Variants in ATXN2 observed in about 807,000 individuals in gnomAD.
ATXN2 encodes the protein ataxin 2.
ATXN2 carries 37 observed loss-of-function variants against 138.6 expected under a neutral mutation model. That is an observed-to-expected ratio of 0.27 (90% CI 0.21 to 0.35). ATXN2 has a LOEUF of 0.35. Ranked by LOEUF, ATXN2 falls within the 10% of genes least tolerant of loss-of-function variation. The pLI is 1.00. For missense variants in ATXN2, 1,216 were observed against 1,480.3 expected (o/e 0.82, Z 2.93); for synonymous variants, 549 against 543.7 (o/e 1.01, Z -0.13).
chr12:111,488,365 A>C, intron 15 of ATXN2, 111 bp downstream of exon 15: 6 of 1,138,968 alleles, frequency 5.3e-6, no homozygotes, highest in Non-Finnish European at 7.4e-6. Context: ...GCAATGTATA[A>C]AGTAGTCTAA....
At position 111,518,365 on chromosome 12, in the gene ATXN2, C is replaced by T. The variant is rs1879970537; in HGVS notation, c.1049G>A (p.Arg350Lys). Residue 350 changes from arginine to lysine, a missense_variant, in exon 9 of 25, where the codon AGA becomes AAA. Around this residue, in one of 4 missense-constraint regions of ATXN2, gnomAD observed 401 missense variants for 528.1 expected, o/e 0.76. Transcript: ENST00000673436. ...NREVISWGSG[R>K]QNSPRMGQPG... ...CTGGCCCATACGCGGTGAATTCTGT[C>T]TCCCACTTCCCCAGGATATGACTTC... The T allele has an allele frequency of 6.2e-7, 1 of 1,613,356 alleles. No homozygotes were observed. Among genetic ancestry groups the T allele is most frequent in the Non-Finnish European group, 8.5e-7 (1 of 1,179,558 alleles).
Position 111,598,404 on chromosome 12 carries a change from G to A in ATXN2, c.251+380C>T. On this transcript the variant is annotated intron_variant, in intron 1 of 24. Coordinates refer to ENST00000673436, the MANE Select transcript of ATXN2 (RefSeq NM_001372574.1). This position sits in a 1 kb window ranked among gnomAD's most constrained non-coding sequence, Gnocchi z 4.5. ...TCCAACGTTCACACCTAAACCGGGA[G>A]TGGAGGAGCTGCCCGAGCATCCCCA... is the stretch of plus-strand genomic sequence containing the variant. 1 of 985,760 alleles carries A rather than the reference G, an allele frequency of 1.0e-6. No homozygotes were observed. The highest frequency in any genetic ancestry group is 1.2e-6 in the Non-Finnish European group (1 of 830,210). The allele number at this position is 985,760 out of a possible 1,614,324, so 61.1% of individuals were successfully genotyped here.
chr12:111,526,893 C>A (rs1298372201), intron 5 of ATXN2, among the ~76,000 whole-genome samples: 2 of 152,296 alleles, frequency 1.3e-5, no homozygotes, highest in East Asian at 3.9e-4. Flanking sequence ...CCAGAACCCA[C>A]TTCTTCATAT....
Position 111,453,698 on chromosome 12 carries a change from G to C in ATXN2, c.3418C>G (p.Pro1140Ala). 1 of 1,611,244 alleles carries C rather than the reference G, an allele frequency of 6.2e-7. No homozygotes were observed. Among genetic ancestry groups the C allele is most frequent in the Non-Finnish European group, 8.5e-7 (1 of 1,178,538 alleles). The change falls in exon 24 of 25, where the codon CCC becomes GCC. Residue 1140 changes from proline (P) to alanine (A), a missense_variant. Coordinates refer to ENST00000673436, the MANE Select transcript of ATXN2 (RefSeq NM_001372574.1). The surrounding 1 kb of genome is among the most constrained non-coding windows in gnomAD (Gnocchi z 5.4). ...TCACCTGAAGGGTGCGTCATATAGG[G>C]GAAATGCGCTGTTGTCGAGACTGGA... ...PIPVSTTAHF[P>A]YMTHPSVQAH...
chr12:111,548,129 G>T (rs974450593), intron 5 of ATXN2, among the ~76,000 whole-genome samples: 1 of 151,910 alleles, frequency 6.6e-6, no homozygotes, highest in African/African-American at 2.4e-5. Context: ...GGAGGTGGAG[G>T]TTGCAGTGCG....
intron 1 of ATXN2, among the ~76,000 whole-genome samples, chr12:111,575,348 T>C (rs1883578329): frequency 6.6e-6 from 1 of 152,000 alleles, no homozygotes; most frequent in Admixed American, 6.6e-5. Context: ...CCATCCCCCA[T>C]TAATTAAAAA....
intron 14 of ATXN2, among the ~76,000 whole-genome samples, chr12:111,508,762 G>A (rs1345560882): frequency 1.3e-5 from 2 of 151,970 alleles, no homozygotes; most frequent in East Asian, 3.9e-4. Context: ...TGAAAACTTA[G>A]GTTAACAACT....
chr12:111,566,057 TA>T (rs535314485), intron 1 of ATXN2, among the ~76,000 whole-genome samples: 76 of 151,524 alleles, frequency 5.0e-4, no homozygotes, highest in Non-Finnish European at 9.4e-4. Context: ...TACAAGGACA[TA>T]AATGTTTTCA....
rs138368142 is a variant in ATXN2 at position 111,522,909 on chromosome 12, G to A, written c.697-1936C>T. ...AGCCTGGACAACAGAGCAAGACTCC[G>A]TCTCAAAAAGAGTTTCTTGGGTGTA... On this transcript the variant is annotated intron_variant, in intron 6 of 24. Coordinates refer to ENST00000673436, the MANE Select transcript of ATXN2 (RefSeq NM_001372574.1). 5.3e-5 allele frequency among the ~76,000 whole-genome samples: 8 copies of A among 151,602 alleles called. No homozygotes were observed. The East Asian group carries it at 1.2e-3, about 22-fold the overall frequency.
Position 111,485,848 on chromosome 12 carries a change from GGTA to G in ATXN2, c.2319_2321del (p.Thr774del). On this transcript the variant is annotated inframe_deletion, in exon 17 of 25. Transcript: ENST00000673436. ...GTGCTTGAGGCCGAGGTGAAGTTGG[GGTA>G]GTAGAAGGCTTTGGCTACAAAAACA... The G allele has an allele frequency of 6.2e-7, 1 of 1,613,898 alleles. No homozygotes were observed. Among genetic ancestry groups the G allele is most frequent in the Non-Finnish European group, 8.5e-7 (1 of 1,179,902 alleles).
chr12:111,597,857 G>A, intron 1 of ATXN2: 1 of 1,287,674 alleles, frequency 7.8e-7, no homozygotes, highest in Non-Finnish European at 1.0e-6. Flanking sequence ...CCCGCCCCCT[G>A]CCACCAGCAC....
intron 14 of ATXN2, among the ~76,000 whole-genome samples, chr12:111,509,317 CA>C (rs1274587585): frequency 6.6e-6 from 1 of 152,056 alleles, no homozygotes; most frequent in Non-Finnish European, 1.5e-5. Flanking sequence ...ATGGTGGTTT[CA>C]AATGTCAGGG....
chr12:111,532,297 T>A (rs1880881292), intron 5 of ATXN2, among the ~76,000 whole-genome samples: 4 of 151,962 alleles, frequency 2.6e-5, no homozygotes, highest in Admixed American at 6.5e-5. Context: ...CTGGCCAATA[T>A]GGTGAAACCC....
intron 14 of ATXN2, among the ~76,000 whole-genome samples, chr12:111,491,754 G>A (rs556495676): frequency 3.2e-4 from 48 of 152,180 alleles, no homozygotes; most frequent in Non-Finnish European, 6.5e-4. Context: ...GTGCCATGTC[G>A]TATTGTGCCA....
intron 5 of ATXN2, among the ~76,000 whole-genome samples, chr12:111,532,853 GAAAAA>G (rs33992543): frequency 2.0e-4 from 24 of 121,746 alleles, no homozygotes; most frequent in Non-Finnish European, 3.4e-4. Context: ...TAGGTTTAAG[GAAAAA>G]AAAAAAAAAA....
intron 6 of ATXN2, among the ~76,000 whole-genome samples, chr12:111,523,180 T>C (rs1488406300): frequency 6.6e-6 from 1 of 151,166 alleles, no homozygotes; most frequent in Admixed American, 6.6e-5. Context: ...GGAGAATCGC[T>C]TGAACCCGGG....
At chr12:111,465,022 T>C (rs1269738936) in intron 20 of ATXN2, among the ~76,000 whole-genome samples, 2 of 152,186 alleles carry the variant, frequency 1.3e-5, no homozygotes, top group African/African-American at 2.4e-5. Flanking sequence ...ATAAATCATG[T>C]ACCAAAATAA....
intron 18 of ATXN2, among the ~76,000 whole-genome samples, chr12:111,481,932 G>C (rs1877267580): frequency 6.6e-6 from 1 of 152,068 alleles, no homozygotes; most frequent in South Asian, 2.1e-4. Context: ...AGACTGCTGG[G>C]ATTATAGGCA....
intron 1 of ATXN2, among the ~76,000 whole-genome samples, chr12:111,556,713 G>A (rs1181345795): frequency 1.3e-5 from 2 of 152,072 alleles, no homozygotes; most frequent in East Asian, 3.9e-4. Context: ...CTACTAGGGA[G>A]GCTGAGGCAG....
Sources: allele counts gnomAD v4.1 joint callset (sites outside exome capture counted in the v4.1 genomes callset), GRCh38; gene constraint gnomAD v4.1.1; regional missense constraint gnomAD v4.1.1; non-coding constraint Gnocchi (gnomAD v3.1); transcripts MANE v1.5; gene names NCBI Gene and HGNC (gene_info 2026-07-23, HGNC 2026-07-21).